The following SCN9A variants were observed in gnomAD, a reference collection of about 807,000 sequenced individuals.
SCN9A encodes the protein sodium voltage-gated channel alpha subunit 9.
SCN9A carries 131 observed loss-of-function variants against 187.0 expected under a neutral mutation model. The observed-to-expected ratio is 0.70, with a 90% CI of 0.61 to 0.81. SCN9A has a LOEUF of 0.81. Ranked by LOEUF, SCN9A falls within the 30% of genes least tolerant of loss-of-function variation. SCN9A has a pLI of 0.00. For missense variants in SCN9A, 2,252 were observed against 2,396.6 expected (o/e 0.94, Z 1.26); for synonymous variants, 809 against 808.6 (o/e 1.00, Z -0.01).
chr2:166,234,606 C>CT (rs138601946), intron 20 of SCN9A, among the ~76,000 whole-genome samples: 104 of 148,588 alleles, frequency 7.0e-4, no homozygotes, highest in African/African-American at 1.5e-3. Flanking sequence ...TGTAACATGG[C>CT]TTTTTTTTTT....
chr2:166,211,184 G>C (rs1437622799), intron 24 of SCN9A, among the ~76,000 whole-genome samples: 1 of 152,122 alleles, frequency 6.6e-6, no homozygotes, highest in Admixed American at 6.5e-5. Flanking sequence ...GCTCTCTTAA[G>C]ATGAACAGCA....
intron 2 of SCN9A, among the ~76,000 whole-genome samples, chr2:166,309,356 CAT>C (rs1305537278): frequency 2.0e-5 from 3 of 152,126 alleles, no homozygotes; most frequent in Non-Finnish European, 2.9e-5. Context: ...TCTGCATACA[CAT>C]GAGAGTTAAT....
chr2:166,349,871 C>T lies in SCN9A; in HGVS notation c.-51+25826G>A, dbSNP rs186937907. Among the ~76,000 whole-genome samples, 12 of 152,118 alleles carry T rather than the reference C, an allele frequency of 7.9e-5. No homozygotes were observed. The East Asian group carries it at 1.9e-3, about 25-fold the overall frequency. On this transcript the variant is annotated intron_variant, in intron 1 of 26. Coordinates refer to ENST00000642356, the MANE Select transcript of SCN9A (RefSeq NM_001365536.1). The stretch of plus-strand genomic sequence containing the variant: ...CCTGTAATCCCAGCTACTCAGGAGG[C>T]TGAGGCAGAAGAATTGCTTGAACCT...
Position 166,305,791 on chromosome 2 carries a change from C to T in SCN9A, c.596+1G>A, listed in dbSNP as rs201560701. On this transcript the variant is annotated splice_donor_variant, in intron 5 of 26. Transcript: ENST00000642356. LOFTEE classifies it high-confidence loss of function. ...CGTTTCAAAAAGCTGAAAGTACTTA[C>T]GCAAAAACAATGACGACAAAATCCA... 3.1e-6 allele frequency: 5 copies of T among 1,613,172 alleles called. No individual in the cohort carries two copies. Among genetic ancestry groups the T allele is most frequent in the East Asian group, 2.2e-5 (1 of 44,850 alleles).
chr2:166,228,750 T>C lies in SCN9A; in HGVS notation c.4147A>G (p.Lys1383Glu), dbSNP rs746847417. The change falls in exon 22 of 27, where the codon AAA becomes GAA. Residue 1383 changes from lysine to glutamate, a missense_variant. Physicochemically the swap from Lys to Glu is moderately conservative, Grantham distance 56. Around this residue, in one of 7 missense-constraint regions of SCN9A, gnomAD observed 368 missense variants for 408.6 expected, o/e 0.90. Coordinates refer to ENST00000642356, the MANE Select transcript of SCN9A (RefSeq NM_001365536.1). ...LMNVSQNVRW[K>E]NLKVNFDNVG... ...TTATCAAAGTTCACTTTCAGGTTTT[T>C]CCATCGCACATTTTGACTAACATTC... The C allele has an allele frequency of 6.2e-7, 1 of 1,613,828 alleles. No individual in the cohort carries two copies. The highest frequency in any genetic ancestry group is 2.2e-5 in the East Asian group (1 of 44,892).
At chr2:166,214,735 C>G (rs956887252) in intron 24 of SCN9A, among the ~76,000 whole-genome samples, 1 of 151,248 alleles carries the variant, frequency 6.6e-6, no homozygotes, top group African/African-American at 2.4e-5. Context: ...AGGATGGTCT[C>G]GATCTCCTGA....
intron 18 of SCN9A, among the ~76,000 whole-genome samples, chr2:166,243,614 A>T (rs1043802497): frequency 6.6e-6 from 1 of 151,956 alleles, no homozygotes; most frequent in Admixed American, 6.6e-5. Context: ...ATTGTTATGC[A>T]TAGAAATTTA....
At chr2:166,247,157 C>CAAAAAA (rs35833662) in intron 18 of SCN9A, among the ~76,000 whole-genome samples, 24 of 41,682 alleles carry the variant, frequency 5.8e-4, no homozygotes, top group South Asian at 1.1e-3. Flanking sequence ...CCAAAGCTCT[C>CAAAAAA]AAAAAAAAAA....
chr2:166,210,618 G>A lies in SCN9A; in HGVS notation c.4399-6154C>T, dbSNP rs561525100. On this transcript the variant is annotated intron_variant, in intron 24 of 26. Coordinates refer to ENST00000642356, the MANE Select transcript of SCN9A (RefSeq NM_001365536.1). ...GTGAAGGTTCATGGGACATCATTAA[G>A]TGGAACAATATATGCATTATGAAAT... Among the ~76,000 whole-genome samples the A allele has an allele frequency of 2.4e-3, 362 of 149,534 alleles. 3 individuals are homozygous for A. Among genetic ancestry groups the A allele is most frequent in the African/African-American group, 8.5e-3 (346 of 40,692 alleles).
chr2:166,291,044 C>G (rs1266297677), intron 9 of SCN9A, among the ~76,000 whole-genome samples: 2 of 152,114 alleles, frequency 1.3e-5, no homozygotes, highest in African/African-American at 4.8e-5. Context: ...CCTCTCTCAC[C>G]ACTGCTATTC....
chr2:166,235,941 T>C (rs901888558), intron 20 of SCN9A, among the ~76,000 whole-genome samples: 1 of 152,148 alleles, frequency 6.6e-6, no homozygotes, highest in Non-Finnish European at 1.5e-5. Flanking sequence ...CAGCCATATC[T>C]CTTAATTTAA....
Position 166,228,868 on chromosome 2 carries a change from A to G in SCN9A, c.4029T>C (p.Phe1343=). ...LIFSIMGVNL[F]AGKFYECINT... ...TAATACACTCATAGAACTTGCCAGC[A>G]AACAAATTTACTCCCATGATGCTGA... The change falls in exon 22 of 27, where the codon TTT becomes TTC. Residue 1343 remains phenylalanine (F), a synonymous_variant. Transcript: ENST00000642356. 6.2e-7 allele frequency: 1 copy of G among 1,613,904 alleles called. No individual in the cohort carries two copies. The highest frequency in any genetic ancestry group is 1.1e-5 in the South Asian group (1 of 91,086).
intron 24 of SCN9A, among the ~76,000 whole-genome samples, chr2:166,211,783 TAAA>T (rs1558952071): frequency 6.6e-6 from 1 of 150,460 alleles, no homozygotes; most frequent in African/African-American, 2.4e-5. Context: ...AATACAGAAA[TAAA>T]AAAGAGAAAT....
chr2:166,205,350 T>C (rs548222635), intron 24 of SCN9A: 1 of 152,006 alleles, frequency 6.6e-6, no homozygotes, highest in Non-Finnish European at 1.5e-5. Context: ...GCCTCAGAAA[T>C]AACACTACAC....
chr2:166,317,500 G>C (rs1235641429), intron 1 of SCN9A, among the ~76,000 whole-genome samples: 1 of 152,058 alleles, frequency 6.6e-6, no homozygotes, highest in East Asian at 1.9e-4. Context: ...ATTAAAAAAT[G>C]AATGTGTTAT....
intron 17 of SCN9A, among the ~76,000 whole-genome samples, chr2:166,270,915 G>C (rs925771039): frequency 2.6e-5 from 4 of 151,918 alleles, no homozygotes; most frequent in African/African-American, 7.2e-5. Context: ...ATGAGCTAGA[G>C]AAAACAAAAG....
chr2:166,277,884 A>G (rs1212704425), intron 15 of SCN9A: 11 of 344,940 alleles, frequency 3.2e-5, no homozygotes, highest in Non-Finnish European at 4.6e-5. Context: ...TTATTGTACT[A>G]TATTAATAGA....
intron 22 of SCN9A, among the ~76,000 whole-genome samples, chr2:166,228,130 A>G (rs974621856): frequency 3.3e-5 from 5 of 152,066 alleles, no homozygotes; most frequent in African/African-American, 9.7e-5. Flanking sequence ...CAATATTTGA[A>G]TGGTGCAAGA....
At chr2:166,323,206 A>G (rs977394608) in intron 1 of SCN9A, among the ~76,000 whole-genome samples, 5 of 152,192 alleles carry the variant, frequency 3.3e-5, no homozygotes, top group African/African-American at 9.7e-5. Flanking sequence ...TCTTCTGAGA[A>G]ACATTTAAAT....
Sources: allele counts gnomAD v4.1 joint callset (sites outside exome capture counted in the v4.1 genomes callset), GRCh38; gene constraint gnomAD v4.1.1; regional missense constraint gnomAD v4.1.1; transcripts MANE v1.5; gene names NCBI Gene and HGNC (gene_info 2026-07-23, HGNC 2026-07-21).